Variants in VDR observed in about 807,000 individuals in gnomAD.
The protein encoded by VDR is vitamin D3 receptor.
In VDR, 19 loss-of-function variants were observed where a neutral mutation model predicts 39.7. That is an observed-to-expected ratio of 0.48 (90% CI 0.33 to 0.70). The LOEUF (loss-of-function observed/expected upper bound fraction) is 0.70, where lower values mean the gene tolerates loss of function less well. Among genes scored for constraint, VDR ranks in the 30% least tolerant of loss-of-function variants. The pLI is 0.02. For missense variants in VDR, 442 were observed against 570.5 expected, an observed-to-expected ratio of 0.77 and a Z score of 2.29; for synonymous variants, 242 against 215.8, an observed-to-expected ratio of 1.12 and a Z score of -1.07.
chr12:47,889,573 G>A lies in VDR; in HGVS notation c.-83-6799C>T, dbSNP rs58579499. Among the ~76,000 whole-genome samples, 174 of 152,330 alleles carry A rather than the reference G, an allele frequency of 1.1e-3. 1 individual carries two copies. Among genetic ancestry groups the A allele is most frequent in the African/African-American group, 3.9e-3 (161 of 41,572 alleles). On this transcript the variant is annotated intron_variant, in intron 1 of 9. Coordinates refer to ENST00000549336, the MANE Select transcript of VDR (RefSeq NM_000376.3). ...GAGGAAAGTGGGATACGCCTGGCCT[G>A]AGCTTTCTCTACTCCAGGTGGGTCT...
intron 1 of VDR, among the ~76,000 whole-genome samples, chr12:47,899,401 T>TCA (rs1222401984): frequency 6.6e-6 from 1 of 152,208 alleles, no homozygotes; most frequent in Non-Finnish European, 1.5e-5. Flanking sequence ...CATCTAATCC[T>TCA]CACACAGTCC....
intron 4 of VDR, among the ~76,000 whole-genome samples, chr12:47,858,593 G>A (rs1170883304): frequency 1.3e-5 from 2 of 152,266 alleles, no homozygotes; most frequent in South Asian, 2.1e-4. Context: ...GGGCAGCTGT[G>A]GGGGTGGAGG....
chr12:47,904,646 CAGA>C, intron 1 of VDR: 3 of 1,535,630 alleles, frequency 2.0e-6, no homozygotes, highest in Non-Finnish European at 2.6e-6. Context: ...GGCGCCCCGA[CAGA>C]AGAAGGAAAC....
chr12:47,893,696 C>T (rs1373059497), intron 1 of VDR, among the ~76,000 whole-genome samples: 1 of 152,226 alleles, frequency 6.6e-6, no homozygotes, highest in Non-Finnish European at 1.5e-5. Context: ...TCAGCCCACT[C>T]AGCCTACTCT....
At position 47,885,816 on chromosome 12, in the gene VDR, T is replaced by C. The variant is rs1592143526; in HGVS notation, c.-83-3042A>G. ...GGCTCAAGCAATCTTCCACCTCAGC[T>C]TCTCAAGTAGCTGGGGTTACAGGTG... On this transcript the variant is annotated intron_variant, in intron 1 of 9. Transcript: ENST00000549336. Among the ~76,000 whole-genome samples, 4 of 152,328 alleles carry C rather than the reference T, an allele frequency of 2.6e-5. No individual in the cohort carries two copies. The East Asian group carries it at 7.7e-4, about 29-fold the overall frequency.
intron 4 of VDR, among the ~76,000 whole-genome samples, 153 bp from the exon 5 acceptor site, chr12:47,857,841 T>C (rs1329928416): frequency 6.6e-6 from 1 of 151,908 alleles, no homozygotes; most frequent in East Asian, 1.9e-4. Flanking sequence ...CCCACTCCAC[T>C]GTGTGAAGAA....
intron 1 of VDR, among the ~76,000 whole-genome samples, chr12:47,884,949 A>G (rs541659705): frequency 6.6e-6 from 1 of 152,214 alleles, no homozygotes; most frequent in South Asian, 2.1e-4. Flanking sequence ...TAGGAGAGAT[A>G]TCCTAGATTC....
chr12:47,899,437 G>A lies in VDR; in HGVS notation c.-84+5518C>T, dbSNP rs142691285. Among the ~76,000 whole-genome samples, 1,012 of 152,324 alleles carry A rather than the reference G, an allele frequency of 6.6e-3. 8 individuals carry two copies. The highest frequency in any genetic ancestry group is 0.023 in the African/African-American group (963 of 41,564). On this transcript the variant is annotated intron_variant, in intron 1 of 9. Coordinates refer to ENST00000549336, the MANE Select transcript of VDR (RefSeq NM_000376.3). ...TACAAGGGAGCTATTACTATACCCA[G>A]TTTACAGGTAAGGACACTGAGATTT...
intron 3 of VDR, among the ~76,000 whole-genome samples, chr12:47,871,300 T>TTCTTTCTTTCTTTCTC (rs1945859791): frequency 8.8e-6 from 1 of 113,650 alleles, no homozygotes; most frequent in Non-Finnish European, 1.9e-5. Flanking sequence ...TTCTCTTTCT[T>TTCTTTCTTTCTTTCTC]TCTTTCTTTC....
intron 1 of VDR, chr12:47,904,462 T>TAAAAAAAAGAAAAAAAAAAAAAAAA: frequency 2.8e-6 from 1 of 357,636 alleles, no homozygotes; most frequent in Non-Finnish European, 4.1e-6. Context: ...CAAAGAAAAG[T>TAAAAAAAAGAAAAAAAAAAAAAAAA]AAAAAAAAAA....
intron 1 of VDR, among the ~76,000 whole-genome samples, chr12:47,889,996 G>A (rs1946336842): frequency 6.6e-6 from 1 of 151,050 alleles, no homozygotes; most frequent in South Asian, 2.1e-4. Context: ...TTTTTTAATT[G>A]CACATCACTC....
intron 7 of VDR, among the ~76,000 whole-genome samples, chr12:47,852,889 T>C (rs1462962246): frequency 6.6e-6 from 1 of 152,208 alleles, no homozygotes; most frequent in Non-Finnish European, 1.5e-5. Flanking sequence ...TTAACTCATT[T>C]TCCAGCTCCC....
chr12:47,878,962 G>C lies in VDR; in HGVS notation c.146+6C>G. On this transcript the variant is annotated splice_donor_region_variant and intron_variant, in intron 3 of 9. Transcript: ENST00000549336. ...CCACTGGGGAGAGCCTGGGAGGAGG[G>C]CTCACCTGAAGAAGCCTTTGCAGCC... The C allele has an allele frequency of 6.2e-7, 1 of 1,614,156 alleles. No homozygotes were observed. The highest frequency in any genetic ancestry group is 8.5e-7 in the Non-Finnish European group (1 of 1,180,018).
At chr12:47,878,578 A>G (rs1318145826) in intron 3 of VDR, among the ~76,000 whole-genome samples, 1 of 152,230 alleles carries the variant, frequency 6.6e-6, no homozygotes, top group Non-Finnish European at 1.5e-5. Context: ...GCAAGCTCTG[A>G]AACCAAGTTC....
chr12:47,852,708 T>C (rs945885869), intron 7 of VDR, among the ~76,000 whole-genome samples: 1 of 152,192 alleles, frequency 6.6e-6, no homozygotes, highest in Admixed American at 6.5e-5. Context: ...GAGCCAGTTT[T>C]CTCAGGGCAG....
intron 1 of VDR, chr12:47,904,546 A>C: frequency 6.5e-7 from 1 of 1,534,356 alleles, no homozygotes; most frequent in Non-Finnish European, 8.7e-7. Flanking sequence ...CTGTAAGACA[A>C]TAAATAAGGT....
At chr12:47,859,948 T>C (rs1565615494) in intron 4 of VDR, among the ~76,000 whole-genome samples, 1 of 142,392 alleles carries the variant, frequency 7.0e-6, no homozygotes, top group African/African-American at 2.8e-5. Context: ...TCTTTCTTTC[T>C]TTCTTTCTTT....
At chr12:47,904,477 A>T (rs1946630781) in intron 1 of VDR, 1 of 960,998 alleles carries the variant, frequency 1.0e-6, no homozygotes, top group Non-Finnish European at 1.4e-6. Context: ...AAAAAAAAAA[A>T]AAAAAAAAAA....
intron 1 of VDR, among the ~76,000 whole-genome samples, chr12:47,887,372 A>G (rs1227512208): frequency 6.6e-6 from 1 of 151,874 alleles, no homozygotes; most frequent in Admixed American, 6.6e-5. Flanking sequence ...ATTAAAAAGG[A>G]AAAGGATCCC....
Sources: gnomAD v4.1 joint callset for allele counts (sites outside exome capture counted in the v4.1 genomes callset) on GRCh38, gnomAD v4.1.1 for gene constraint, MANE v1.5 for transcripts, NCBI Gene and HGNC (gene_info 2026-07-23, HGNC 2026-07-21) for gene names.